TRAK1: variants seen among roughly 807,000 people sequenced by gnomAD.
TRAK1 encodes the protein trafficking kinesin protein 1.
TRAK1 carries 33 observed loss-of-function variants against 92.1 expected under a neutral mutation model. That is an observed-to-expected ratio of 0.36 (90% CI 0.27 to 0.48). The LOEUF (loss-of-function observed/expected upper bound fraction) is 0.48, where lower values mean the gene tolerates loss of function less well. Ranked by LOEUF, TRAK1 falls within the 20% of genes least tolerant of loss-of-function variation. The pLI is 0.99. For synonymous variants in TRAK1, 521 were observed against 517.3 expected, an observed-to-expected ratio of 1.01 and a Z score of -0.10; for missense variants, 1,123 against 1,257.9, an observed-to-expected ratio of 0.89 and a Z score of 1.62.
At chr3:42,067,595 T>C (rs74694706) in intron 1 of TRAK1, among the ~76,000 whole-genome samples, 2 of 143,246 alleles carry the variant, frequency 1.4e-5, no homozygotes, top group African/African-American at 5.1e-5. Context: ...TTAGATGAGA[T>C]TTTTTTTTTT....
chr3:42,172,498 G>A (rs1702691954), intron 2 of TRAK1, among the ~76,000 whole-genome samples: 1 of 152,106 alleles, frequency 6.6e-6, no homozygotes, highest in Non-Finnish European at 1.5e-5. Context: ...AATCTAAATT[G>A]CCTTGCACCC....
chr3:42,013,594 G>A (rs1701392447), upstream of TRAK1, among the ~76,000 whole-genome samples: 1 of 150,222 alleles, frequency 6.7e-6, no homozygotes, highest in South Asian at 2.1e-4. This position sits in a 1 kb window ranked among gnomAD's most constrained non-coding sequence, Gnocchi z 5.1. Context: ...GGAGGGCTCG[G>A]CGCGCGTCGG....
intron 1 of TRAK1, among the ~76,000 whole-genome samples, chr3:42,014,569 T>C (rs904772312): frequency 6.6e-5 from 10 of 152,236 alleles, no homozygotes; most frequent in Admixed American, 1.3e-4. Context: ...AGTTCTTTTC[T>C]AGTCTCCAAG....
intron 1 of TRAK1, among the ~76,000 whole-genome samples, chr3:42,116,045 A>G (rs975846460): frequency 6.6e-6 from 1 of 152,218 alleles, no homozygotes; most frequent in East Asian, 1.9e-4. Flanking sequence ...AATAGATACA[A>G]GTGCTTTGCG....
intron 6 of TRAK1, among the ~76,000 whole-genome samples, chr3:42,189,493 A>G (rs1705363467): frequency 6.6e-6 from 1 of 152,080 alleles, no homozygotes; most frequent in Non-Finnish European, 1.5e-5. Flanking sequence ...TGCTCAAGGA[A>G]GTAGTCCATG....
intron 2 of TRAK1, among the ~76,000 whole-genome samples, chr3:42,144,591 C>G (rs1016715730): frequency 2.0e-5 from 3 of 152,088 alleles, no homozygotes; most frequent in Non-Finnish European, 4.4e-5. Flanking sequence ...TAAAAAAATT[C>G]ATAGTGCTGT....
chr3:42,133,028 A>G (rs1576529116), intron 2 of TRAK1, among the ~76,000 whole-genome samples: 1 of 152,256 alleles, frequency 6.6e-6, no homozygotes, highest in Middle Eastern at 3.4e-3. Flanking sequence ...GGCTGCTGCC[A>G]CCCTTGATGA....
intron 3 of TRAK1, among the ~76,000 whole-genome samples, chr3:42,182,633 A>T (rs1704182310): frequency 6.6e-6 from 1 of 152,124 alleles, no homozygotes; most frequent in Non-Finnish European, 1.5e-5. Context: ...GACTGTGGTG[A>T]CAGCATTGCC....
intron 1 of TRAK1, among the ~76,000 whole-genome samples, chr3:42,014,563 C>G (rs531427112): frequency 6.6e-6 from 1 of 152,218 alleles, no homozygotes; most frequent in Non-Finnish European, 1.5e-5. Context: ...TTTTAAAGTT[C>G]TTTTCTAGTC....
At position 42,196,956 on chromosome 3, in the gene TRAK1, CCTCT is replaced by C. The variant is rs145953745; in HGVS notation, c.1113+2032_1113+2035del. Among the ~76,000 whole-genome samples the C allele has an allele frequency of 2.1e-3, 307 of 143,590 alleles. 1 individual carries two copies. Among genetic ancestry groups the C allele is most frequent in the Middle Eastern group, 3.5e-3 (1 of 282 alleles). 94.2% of individuals were successfully genotyped at this position (143,590 alleles called of 152,430 possible). A position where few individuals can be genotyped will look rare whatever the true frequency, so the allele number is the denominator to read the frequency against. Reference sequence around the variant, plus strand: ...CTGAACTAATTTCTCTCTCCTTTCTCCTCTCTCTCTCTCTCTCTCTTTCTCTTTC... The same window carrying C: ...CTGAACTAATTTCTCTCTCCTTTCTCCTCTCTCTCTCTCTCTTTCTCTTTC... On this transcript the variant is annotated intron_variant, in intron 10 of 15. Transcript: ENST00000327628.
intron 1 of TRAK1, among the ~76,000 whole-genome samples, chr3:42,097,482 G>A (rs983024371): frequency 3.9e-5 from 6 of 152,060 alleles, no homozygotes; most frequent in Non-Finnish European, 7.4e-5. Context: ...GTGTATAAAC[G>A]GCAGCAGCCC....
chr3:42,053,304 G>A (rs933520348), intron 1 of TRAK1, among the ~76,000 whole-genome samples: 4 of 114,472 alleles, frequency 3.5e-5, no homozygotes, highest in East Asian at 3.0e-4. Flanking sequence ...ATAATGGACC[G>A]CCTCCCCCTC....
intron 1 of TRAK1, among the ~76,000 whole-genome samples, chr3:42,109,468 C>G (rs532810937): frequency 1.3e-5 from 2 of 152,224 alleles, no homozygotes; most frequent in South Asian, 4.2e-4. Flanking sequence ...TGTGAAAGTG[C>G]TAGAGGAAAA....
At chr3:42,165,348 A>G (rs1478355634) in intron 2 of TRAK1, among the ~76,000 whole-genome samples, 1 of 152,212 alleles carries the variant, frequency 6.6e-6, no homozygotes, top group Non-Finnish European at 1.5e-5. Flanking sequence ...GGTGAAAAAA[A>G]TGCCAGTCAG....
chr3:42,185,496 C>T (rs184212384), intron 4 of TRAK1, among the ~76,000 whole-genome samples: 10 of 152,122 alleles, frequency 6.6e-5, no homozygotes, highest in South Asian at 2.1e-4. Context: ...CTGGAAGGGA[C>T]GTGGTGTGGA....
intron 1 of TRAK1, among the ~76,000 whole-genome samples, chr3:42,020,605 G>T (rs1424941485): frequency 6.6e-6 from 1 of 152,170 alleles, no homozygotes; most frequent in Non-Finnish European, 1.5e-5. Flanking sequence ...AAGCTGCTAT[G>T]AACTAAGTGT....
chr3:42,212,443 G>A (rs189326017), intron 14 of TRAK1: 16 of 985,402 alleles, frequency 1.6e-5, no homozygotes, highest in East Asian at 1.1e-4. Flanking sequence ...TTTGTCCAGA[G>A]CCTGCTGTCC....
chr3:42,139,857 CT>C (rs1698436508), intron 2 of TRAK1, among the ~76,000 whole-genome samples: 1 of 152,114 alleles, frequency 6.6e-6, no homozygotes, highest in African/African-American at 2.4e-5. Flanking sequence ...TGTGGTTCAG[CT>C]GAGTTTTGGC....
At chr3:42,077,305 T>G (rs1704205405) in intron 1 of TRAK1, among the ~76,000 whole-genome samples, 1 of 152,210 alleles carries the variant, frequency 6.6e-6, no homozygotes, top group African/African-American at 2.4e-5. Flanking sequence ...TCTTTTTACC[T>G]CGAGGCAGAG....
Sources: gnomAD v4.1 joint callset for allele counts (sites outside exome capture counted in the v4.1 genomes callset) on GRCh38, gnomAD v4.1.1 for gene constraint, Gnocchi (gnomAD v3.1) non-coding constraint, MANE v1.5 for transcripts, NCBI Gene and HGNC (gene_info 2026-07-23, HGNC 2026-07-21) for gene names.